Variants in KLF12 observed in about 807,000 individuals in gnomAD.
KLF12 encodes Krueppel-like factor 12.
In KLF12, 9 loss-of-function variants were observed where a neutral mutation model predicts 37.8. The observed-to-expected ratio is 0.24, with a 90% CI of 0.14 to 0.42. KLF12 has a LOEUF of 0.42. KLF12 is among the 10% of genes least tolerant of loss of function. The probability of loss-of-function intolerance (pLI) is 1.00; values close to 1 mark genes in which losing one functional copy is unlikely to be tolerated. For missense variants in KLF12, 411 were observed against 516.0 expected (o/e 0.80, Z 1.97); for synonymous variants, 208 against 202.1 (o/e 1.03, Z -0.25).
At chr13:74,158,743 G>T in the KLF12 span, among the ~76,000 whole-genome samples, 3 of 152,012 alleles carry the variant, frequency 2.0e-5, no homozygotes, top group African/African-American at 7.3e-5. Context: ...AGAATATGAA[G>T]AAGAAAATGC....
chr13:73,953,970 CTTTTTTTTTTTT>C (rs67945624), intron 2 of KLF12, among the ~76,000 whole-genome samples: 1 of 88,534 alleles, frequency 1.1e-5, no homozygotes, highest in Non-Finnish European at 2.2e-5. Flanking sequence ...TTTTTTCTTT[CTTTTTTTTTTTT>C]TTTTTTTTTT....
chr13:73,751,798 AT>A (rs1878776316), intron 6 of KLF12, among the ~76,000 whole-genome samples: 1 of 152,148 alleles, frequency 6.6e-6, no homozygotes, highest in Non-Finnish European at 1.5e-5. Context: ...TTGAAGTCAG[AT>A]ATCTCACAGA....
chr13:74,269,795 G>T, the KLF12 span, among the ~76,000 whole-genome samples: 355 of 152,276 alleles, frequency 2.3e-3, 3 homozygotes, highest in African/African-American at 7.9e-3. Context: ...ATGAGCTAGT[G>T]TGTGTGCGTG....
At chr13:73,824,010 T>C (rs2138523347) in intron 4 of KLF12, among the ~76,000 whole-genome samples, 1 of 152,260 alleles carries the variant, frequency 6.6e-6, no homozygotes, top group Middle Eastern at 3.4e-3. Context: ...GCACTTGGCC[T>C]GGCCTCTTCT....
At chr13:74,012,239 A>G (rs1892569203) in intron 1 of KLF12, among the ~76,000 whole-genome samples, 2 of 152,190 alleles carry the variant, frequency 1.3e-5, no homozygotes, top group Non-Finnish European at 2.9e-5. Context: ...TTCTTAGAAA[A>G]TTCTACAAAG....
chr13:74,238,857 G>A, the KLF12 span, among the ~76,000 whole-genome samples: 4 of 152,084 alleles, frequency 2.6e-5, no homozygotes, highest in East Asian at 1.9e-4. Flanking sequence ...CTTGCTAGCG[G>A]TCTGTCAATT....
chr13:73,887,524 C>T (rs1594213577), intron 3 of KLF12, among the ~76,000 whole-genome samples: 1 of 152,246 alleles, frequency 6.6e-6, no homozygotes, highest in African/African-American at 2.4e-5. Flanking sequence ...TGCCTTCCAC[C>T]ATTACTGTAA....
chr13:73,699,257 C>T lies in KLF12; in HGVS notation c.1028-3586G>A, dbSNP rs551056532. Reference sequence around the variant, plus strand: ...AAACGTAGCCAGGTGCAGTGGCTCACATCTGCAGCCCCAGCGATTCGGGAA... The same window carrying T: ...AAACGTAGCCAGGTGCAGTGGCTCATATCTGCAGCCCCAGCGATTCGGGAA... On this transcript the variant is annotated intron_variant, in intron 7 of 7. Transcript: ENST00000377669. 2.1e-5 allele frequency among the ~76,000 whole-genome samples: 3 copies of T among 144,140 alleles called. No individual in the cohort carries two copies. In the South Asian group the frequency reaches 6.6e-4, roughly 32 times the overall value. The allele number at this position is 144,140 out of a possible 152,430, so 94.6% of individuals were successfully genotyped here. A position where few individuals can be genotyped will look rare whatever the true frequency, so the allele number is the denominator to read the frequency against.
chr13:74,194,045 T>C, the KLF12 span, among the ~76,000 whole-genome samples: 76 of 152,256 alleles, frequency 5.0e-4, no homozygotes, highest in Admixed American at 1.6e-3. Flanking sequence ...TTTTCTTTTT[T>C]CCTAAAGGGA....
At chr13:74,139,435 AT>A in the KLF12 span, among the ~76,000 whole-genome samples, 3 of 152,218 alleles carry the variant, frequency 2.0e-5, no homozygotes, top group Non-Finnish European at 4.4e-5. Context: ...TTAAAACACA[AT>A]TTAGCAGAAA....
intron 5 of KLF12, among the ~76,000 whole-genome samples, chr13:73,771,618 C>A (rs755704607): frequency 2.6e-5 from 4 of 152,226 alleles, no homozygotes; most frequent in African/African-American, 4.8e-5. Context: ...TTCAATCCAA[C>A]AAACTTCACT....
chr13:73,901,402 C>T (rs975194689), intron 3 of KLF12, among the ~76,000 whole-genome samples: 1 of 152,116 alleles, frequency 6.6e-6, no homozygotes, highest in Non-Finnish European at 1.5e-5. Flanking sequence ...CTTTTTGTTG[C>T]CATAGAAATA....
chr13:74,123,457 C>T (rs1877756179), intron 1 of KLF12, among the ~76,000 whole-genome samples: 2 of 152,226 alleles, frequency 1.3e-5, no homozygotes, highest in African/African-American at 4.8e-5. Context: ...AGCTATCCTG[C>T]TTCTTTCTTG....
intron 3 of KLF12, among the ~76,000 whole-genome samples, chr13:73,907,454 C>T (rs537061377): frequency 1.3e-5 from 2 of 152,330 alleles, no homozygotes; most frequent in East Asian, 1.9e-4. Flanking sequence ...CTCAGACCCA[C>T]TTTCCTTCAT....
intron 4 of KLF12, among the ~76,000 whole-genome samples, chr13:73,842,464 T>C (rs1884789067): frequency 6.6e-6 from 1 of 152,174 alleles, no homozygotes; most frequent in Non-Finnish European, 1.5e-5. Context: ...CACTGTATCT[T>C]TGGTGTCAAT....
intron 6 of KLF12, among the ~76,000 whole-genome samples, chr13:73,736,329 T>C (rs1330153567): frequency 6.6e-6 from 1 of 152,232 alleles, no homozygotes; most frequent in East Asian, 1.9e-4. Context: ...CTAGAAAGCC[T>C]GGAGTTTCTG....
At chr13:74,172,213 A>G in the KLF12 span, among the ~76,000 whole-genome samples, 4 of 151,096 alleles carry the variant, frequency 2.6e-5, no homozygotes, top group Non-Finnish European at 5.9e-5. Context: ...CATCTACAAA[A>G]GATAGTGTAC....
chr13:74,156,451 C>A, the KLF12 span, among the ~76,000 whole-genome samples: 1 of 152,184 alleles, frequency 6.6e-6, no homozygotes, highest in Non-Finnish European at 1.5e-5. Context: ...AGGTATCCAT[C>A]CCCTCAAGCA....
the KLF12 span, among the ~76,000 whole-genome samples, chr13:74,218,915 T>G: frequency 4.6e-5 from 7 of 151,908 alleles, no homozygotes; most frequent in Non-Finnish European, 1.0e-4. Flanking sequence ...CATGACTACA[T>G]GCATACGCTT....
Sources: gnomAD v4.1 joint callset for allele counts (sites outside exome capture counted in the v4.1 genomes callset) on GRCh38, gnomAD v4.1.1 for gene constraint, MANE v1.5 for transcripts, NCBI Gene and HGNC (gene_info 2026-07-23, HGNC 2026-07-21) for gene names.